MECOM: variants seen among roughly 807,000 people sequenced by gnomAD.
MECOM encodes MDS1 and EVI1 complex locus, also known as histone-lysine N-methyltransferase MECOM.
MECOM carries 13 observed loss-of-function variants against 116.3 expected under a neutral mutation model. The observed-to-expected ratio is 0.11, with a 90% CI of 0.07 to 0.18. The LOEUF (loss-of-function observed/expected upper bound fraction) is 0.18. MECOM is among the 10% of genes least tolerant of loss of function. MECOM has a pLI of 1.00. For missense variants in MECOM, 1,299 were observed against 1,509.0 expected (o/e 0.86, Z 2.31); for synonymous variants, 528 against 535.2 (o/e 0.99, Z 0.19).
chr3:169,511,312 A>G (rs1560374755), intron 1 of MECOM, among the ~76,000 whole-genome samples: 3 of 152,200 alleles, frequency 2.0e-5, no homozygotes, highest in Admixed American at 2.0e-4. Flanking sequence ...CCAAATCTCT[A>G]TATTTTACAA....
chr3:169,382,879 A>AGAAG (rs1553834042), intron 1 of MECOM, among the ~76,000 whole-genome samples: 48 of 138,520 alleles, frequency 3.5e-4, no homozygotes, highest in South Asian at 7.2e-4. Context: ...AAAAATAAAA[A>AGAAG]AAGAAGGTAA....
At chr3:169,089,921 A>T in intron 15 of MECOM, 79 bp downstream of exon 15, 1 of 1,518,138 alleles carries the variant, frequency 6.6e-7, no homozygotes, top group South Asian at 1.4e-5. Context: ...ATAACTCACA[A>T]ATTGCTTATC....
chr3:169,238,677 G>T (rs1754402209), intron 2 of MECOM, among the ~76,000 whole-genome samples: 1 of 152,074 alleles, frequency 6.6e-6, no homozygotes, highest in South Asian at 2.1e-4. Context: ...TTTGCATAAG[G>T]CATAAAGCTG....
intron 2 of MECOM, among the ~76,000 whole-genome samples, chr3:169,167,162 G>A (rs535368840): frequency 1.3e-5 from 2 of 152,140 alleles, no homozygotes; most frequent in Admixed American, 6.6e-5. Flanking sequence ...AATTTTTGTA[G>A]AGACGGGGTC....
chr3:169,117,736 C>T (rs1309277339), intron 7 of MECOM, among the ~76,000 whole-genome samples: 3 of 152,186 alleles, frequency 2.0e-5, no homozygotes, highest in Admixed American at 6.5e-5. Flanking sequence ...GTAGAATCTT[C>T]CTCCTCACAC....
chr3:169,293,957 G>T (rs1438565497), intron 2 of MECOM, among the ~76,000 whole-genome samples: 2 of 152,132 alleles, frequency 1.3e-5, no homozygotes, highest in African/African-American at 2.4e-5. Flanking sequence ...AATCATTCTT[G>T]CATTTTCTAT....
intron 1 of MECOM, among the ~76,000 whole-genome samples, chr3:169,576,563 A>G (rs1764520905): frequency 6.6e-6 from 1 of 152,168 alleles, no homozygotes; most frequent in African/African-American, 2.4e-5. Context: ...GCAACAATGA[A>G]TTCTCTAATG....
chr3:169,462,425 A>T (rs966801499), intron 1 of MECOM, among the ~76,000 whole-genome samples: 5 of 152,124 alleles, frequency 3.3e-5, no homozygotes, highest in Admixed American at 2.0e-4. Context: ...GAAGACAACA[A>T]TGTTCTAGAT....
chr3:169,297,034 T>A (rs1000042860), intron 2 of MECOM, among the ~76,000 whole-genome samples: 2 of 152,232 alleles, frequency 1.3e-5, no homozygotes, highest in African/African-American at 4.8e-5. Context: ...CTGTGCTCTT[T>A]CAACAATTTG....
intron 2 of MECOM, among the ~76,000 whole-genome samples, chr3:169,293,990 T>A (rs1278464399): frequency 6.6e-6 from 1 of 152,216 alleles, no homozygotes; most frequent in Non-Finnish European, 1.5e-5. Context: ...TTCTAACATT[T>A]CCTCTTTCTA....
chr3:169,432,456 C>T (rs1419540505), intron 1 of MECOM, among the ~76,000 whole-genome samples: 2 of 152,208 alleles, frequency 1.3e-5, no homozygotes, highest in Non-Finnish European at 2.9e-5. Context: ...CTGTGCCGGG[C>T]TGTCATTTTT....
intron 1 of MECOM, among the ~76,000 whole-genome samples, chr3:169,636,161 C>A (rs2109999035): frequency 6.6e-6 from 1 of 152,306 alleles, no homozygotes; most frequent in South Asian, 2.1e-4. Context: ...CTAGTCTCCC[C>A]AATTTGACAG....
At chr3:169,220,701 C>G (rs1160301107) in intron 2 of MECOM, among the ~76,000 whole-genome samples, 2 of 152,156 alleles carry the variant, frequency 1.3e-5, no homozygotes, top group Non-Finnish European at 2.9e-5. Flanking sequence ...TCTCAAACTC[C>G]TGACATCAGG....
At chr3:169,583,348 T>C (rs1203701974) in intron 1 of MECOM, among the ~76,000 whole-genome samples, 1 of 152,202 alleles carries the variant, frequency 6.6e-6, no homozygotes, top group Non-Finnish European at 1.5e-5. Context: ...AAAACATGCA[T>C]AGACTCCATA....
At chr3:169,256,278 A>G (rs1756858214) in intron 2 of MECOM, among the ~76,000 whole-genome samples, 1 of 152,040 alleles carries the variant, frequency 6.6e-6, no homozygotes, top group Non-Finnish European at 1.5e-5. Flanking sequence ...CTAATGCAAT[A>G]TGATAACCAC....
chr3:169,342,888 C>T (rs545909071), intron 2 of MECOM, among the ~76,000 whole-genome samples: 9 of 152,240 alleles, frequency 5.9e-5, no homozygotes, highest in Non-Finnish European at 1.0e-4. Context: ...ATTCGTCCAG[C>T]CAGCTGATGC....
intron 2 of MECOM, chr3:169,269,218 G>A (rs1402152968): frequency 2.0e-5 from 3 of 152,164 alleles, no homozygotes; most frequent in Admixed American, 6.6e-5. Flanking sequence ...ACTGAGGCAT[G>A]GAGACTTTTT....
At chr3:169,391,159 G>A (rs1734138514) in intron 1 of MECOM, among the ~76,000 whole-genome samples, 1 of 152,154 alleles carries the variant, frequency 6.6e-6, no homozygotes, top group Non-Finnish European at 1.5e-5. Context: ...ATATGAGCGA[G>A]CAATAGAACA....
At chr3:169,186,644 T>C (rs1465837418) in intron 2 of MECOM, among the ~76,000 whole-genome samples, 1 of 152,150 alleles carries the variant, frequency 6.6e-6, no homozygotes, top group Non-Finnish European at 1.5e-5. Context: ...CCAGTAACTT[T>C]TACCCCTCAA....
Sources: gnomAD v4.1 joint callset for allele counts (sites outside exome capture counted in the v4.1 genomes callset) on GRCh38, gnomAD v4.1.1 for gene constraint, MANE v1.5 for transcripts, NCBI Gene and HGNC (gene_info 2026-07-23, HGNC 2026-07-21) for gene names.